The following UBE2D3 variants were observed in gnomAD, a reference collection of about 807,000 sequenced individuals.
UBE2D3 encodes the protein ubiquitin conjugating enzyme E2 D3, also known as ubiquitin-conjugating enzyme E2 D3.
UBE2D3 carries 2 observed loss-of-function variants against 22.8 expected under a neutral mutation model. The ratio of observed to expected loss-of-function variants is 0.09; its 90% confidence interval spans 0.04 to 0.28. The LOEUF is 0.28. Among genes scored for constraint, UBE2D3 ranks in the 10% least tolerant of loss-of-function variants. The pLI is 1.00. For synonymous variants in UBE2D3, 56 were observed against 60.4 expected, an observed-to-expected ratio of 0.93 and a Z score of 0.34; for missense variants, 27 against 182.5, an observed-to-expected ratio of 0.15 and a Z score of 4.91.
intron 1 of UBE2D3, among the ~76,000 whole-genome samples, chr4:102,842,563 A>C (rs1443917836): frequency 2.0e-5 from 3 of 151,960 alleles, no homozygotes; most frequent in East Asian, 3.9e-4. Context: ...AAAAAAAAAA[A>C]ACCTCGAGTT....
chr4:102,868,803 G>T lies in UBE2D3; in HGVS notation c.-217C>A, dbSNP rs557311605. On this transcript the variant is annotated 5_prime_UTR_variant, in exon 1 of 8. Transcript: ENST00000338145. Reference sequence around the variant, plus strand: ...TTTCTGCTGGTCTCCAGCATCTACAGACGTTAAAGGCCCAAGAGGAGGGCC... The same window carrying T: ...TTTCTGCTGGTCTCCAGCATCTACATACGTTAAAGGCCCAAGAGGAGGGCC... 7.7e-5 allele frequency: 124 copies of T among 1,612,286 alleles called. No individual in the cohort carries two copies. The East Asian group carries it at 1.9e-3, about 25-fold the overall frequency.
In UBE2D3 at chr4:102,826,478, G is replaced by T; in HGVS notation, c.24+7C>A. 1 of 1,613,518 alleles carries T rather than the reference G, an allele frequency of 6.2e-7. No homozygotes were observed. Among genetic ancestry groups the T allele is most frequent in the Non-Finnish European group, 8.5e-7 (1 of 1,179,918 alleles). On this transcript the variant is annotated splice_region_variant and intron_variant, in intron 2 of 7. Transcript: ENST00000453744. ...TACCACCCCATGCCCTTGTCCCCGC[G>T]GGTTACCTTATTAATCCGTTTCAGC...
chr4:102,800,992 A>G (rs1350313562), intron 6 of UBE2D3, among the ~76,000 whole-genome samples: 1 of 152,044 alleles, frequency 6.6e-6, no homozygotes, highest in Admixed American at 6.6e-5. Flanking sequence ...GAAACAACCT[A>G]TCATGGTTAC....
intron 4 of UBE2D3, among the ~76,000 whole-genome samples, chr4:102,808,436 T>C (rs1464975755): frequency 6.6e-6 from 1 of 152,236 alleles, no homozygotes; most frequent in African/African-American, 2.4e-5. Flanking sequence ...CTATTTTTAC[T>C]GTTTTAAATG....
At chr4:102,865,674 C>A (rs929837879) in intron 1 of UBE2D3, among the ~76,000 whole-genome samples, 1 of 151,996 alleles carries the variant, frequency 6.6e-6, no homozygotes, top group Non-Finnish European at 1.5e-5. Flanking sequence ...GAATTAGACT[C>A]CTAGAATTAA....
intron 2 of UBE2D3, chr4:102,825,896 A>G (rs1482902901): frequency 2.4e-6 from 1 of 414,166 alleles, no homozygotes; most frequent in Admixed American, 2.7e-5. Context: ...GTGTCATTCC[A>G]TCTCCTCCCA....
upstream of UBE2D3, chr4:102,868,893 C>A (rs1001152347): frequency 3.4e-6 from 5 of 1,464,228 alleles, no homozygotes; most frequent in South Asian, 1.2e-5. Flanking sequence ...GGCAGTCCGC[C>A]GCGAGCGTAC....
chr4:102,866,302 T>C (rs1733143038), intron 1 of UBE2D3, among the ~76,000 whole-genome samples: 1 of 152,214 alleles, frequency 6.6e-6, no homozygotes, highest in Non-Finnish European at 1.5e-5. Context: ...TTTTTTCTAC[T>C]TGAAAATAGC....
intron 1 of UBE2D3, among the ~76,000 whole-genome samples, chr4:102,860,242 T>G (rs184156839): frequency 1.3e-5 from 2 of 151,906 alleles, no homozygotes; most frequent in Admixed American, 1.3e-4. Context: ...TCAAGGTGAG[T>G]GTTCTGAATT....
intron 1 of UBE2D3, among the ~76,000 whole-genome samples, chr4:102,838,552 A>G (rs915728007): frequency 1.3e-5 from 2 of 152,198 alleles, no homozygotes; most frequent in Non-Finnish European, 2.9e-5. Context: ...CATCAGTTAG[A>G]TGGAGAGTTT....
intron 1 of UBE2D3, among the ~76,000 whole-genome samples, chr4:102,853,762 T>TAA (rs1440667660): frequency 6.6e-6 from 1 of 152,198 alleles, no homozygotes; most frequent in Non-Finnish European, 1.5e-5. Context: ...TCTCTACACA[T>TAA]ACAGTATCTG....
In UBE2D3 at chr4:102,841,488, T is replaced by A. The variant is rs185420296; in HGVS notation, c.-128-14852A>T. On this transcript the variant is annotated intron_variant, in intron 1 of 7. Transcript: ENST00000338145. ...CAGTCATCAAGACTAAGATTCAGTA[T>A]AATGGAGTCATCTTTGTCTTTCACC... Among the ~76,000 whole-genome samples the A allele has an allele frequency of 1.4e-4, 21 of 152,342 alleles. No individual in the cohort carries two copies. The East Asian group carries it at 3.9e-3, about 28-fold the overall frequency.
intron 1 of UBE2D3, among the ~76,000 whole-genome samples, chr4:102,866,498 T>A (rs981617845): frequency 3.3e-5 from 5 of 152,226 alleles, no homozygotes; most frequent in Admixed American, 2.0e-4. Context: ...TGTATATTGA[T>A]GTGGGTGGTG....
chr4:102,825,425 G>A, intron 2 of UBE2D3: 1 of 1,104,086 alleles, frequency 9.1e-7, no homozygotes, highest in Non-Finnish European at 1.1e-6. Flanking sequence ...GGATCTTAGA[G>A]CAGTGCACAA....
At chr4:102,818,447 G>A (rs1446962642) in intron 2 of UBE2D3, among the ~76,000 whole-genome samples, 1 of 152,154 alleles carries the variant, frequency 6.6e-6, no homozygotes, top group Non-Finnish European at 1.5e-5. Flanking sequence ...AGGAAAAGAA[G>A]TCAAGGAGAC....
At chr4:102,812,453 T>C (rs1223297020) in intron 2 of UBE2D3, 1 of 152,198 alleles carries the variant, frequency 6.6e-6, no homozygotes, top group African/African-American at 2.4e-5. Context: ...TGGAAATCTT[T>C]AAAATAGGCT....
At chr4:102,851,555 C>T (rs1732350079) in intron 1 of UBE2D3, among the ~76,000 whole-genome samples, 1 of 152,332 alleles carries the variant, frequency 6.6e-6, no homozygotes, top group South Asian at 2.1e-4. Flanking sequence ...TTTTCCATTA[C>T]CTAGCTCACC....
At chr4:102,800,868 T>G (rs1726044605) in intron 6 of UBE2D3, among the ~76,000 whole-genome samples, 1 of 152,098 alleles carries the variant, frequency 6.6e-6, no homozygotes, top group African/African-American at 2.4e-5. Flanking sequence ...ACCTGGGATA[T>G]TCATGCGGAG....
intron 1 of UBE2D3, among the ~76,000 whole-genome samples, chr4:102,838,882 G>A (rs1731581954): frequency 6.6e-6 from 1 of 151,222 alleles, no homozygotes. Flanking sequence ...CTATTCATGT[G>A]AGGGAGCAAA....
Sources: allele counts gnomAD v4.1 joint callset (sites outside exome capture counted in the v4.1 genomes callset), GRCh38; gene constraint gnomAD v4.1.1; transcripts MANE v1.5; gene names NCBI Gene and HGNC (gene_info 2026-07-23, HGNC 2026-07-21).